The following SLC6A16 variants were observed in gnomAD, a reference collection of about 807,000 sequenced individuals.
SLC6A16 encodes the protein orphan sodium- and chloride-dependent neurotransmitter transporter NTT5.
Under a neutral mutation model 65.4 loss-of-function variants are expected in SLC6A16, and 54 were observed. The observed-to-expected ratio is 0.83, with a 90% CI of 0.66 to 1.04. The LOEUF (loss-of-function observed/expected upper bound fraction) is 1.04, where lower values mean the gene tolerates loss of function less well. SLC6A16 is among the 50% of genes least tolerant of loss of function. SLC6A16 has a pLI of 0.00. For missense variants in SLC6A16, 816 were observed against 914.0 expected (o/e 0.89, Z 1.38); for synonymous variants, 330 against 346.5 (o/e 0.95, Z 0.53).
intron 7 of SLC6A16, among the ~76,000 whole-genome samples, chr19:49,296,737 C>A (rs1302170953): frequency 1.3e-5 from 2 of 152,128 alleles, no homozygotes; most frequent in Non-Finnish European, 2.9e-5. Context: ...GCCTGTAATC[C>A]CAGCACTTTT....
At position 49,293,360 on chromosome 19, in the gene SLC6A16, G is replaced by A. The variant is rs371493044; in HGVS notation, c.1641C>T (p.Phe547=). 1.3e-5 allele frequency: 21 copies of A among 1,613,958 alleles called. No individual in the cohort carries two copies. Among genetic ancestry groups the A allele is most frequent in the African/African-American group, 5.3e-5 (4 of 74,888 alleles). ...GTCGAGTGAAGAAGAGGCCGCACAC[G>A]AACATGAGCAAAAAGACTCCCACTG... ...LLIVGVFLLM[F]VCGLFFTRPS... Residue 547 remains phenylalanine, a synonymous_variant, in exon 10 of 12, where the codon TTC becomes TTT. Coordinates refer to ENST00000335875, the MANE Select transcript of SLC6A16 (RefSeq NM_014037.3).
chr19:49,290,434 C>G (rs764948907), intron 11 of SLC6A16, 42 bp from the exon 12 acceptor site: 1 of 1,590,078 alleles, frequency 6.3e-7, no homozygotes, highest in Non-Finnish European at 8.6e-7. Flanking sequence ...TCAAAATCCC[C>G]AAGAGAAAAG....
At chr19:49,308,775 G>T in intron 7 of SLC6A16, 101 bp downstream of exon 7, 1 of 1,464,850 alleles carries the variant, frequency 6.8e-7, no homozygotes, top group South Asian at 1.3e-5. Flanking sequence ...ACCCAAGGTT[G>T]AAATGTGTGA....
At chr19:49,309,159 A>G (rs983709788) in intron 6 of SLC6A16, 42 bp from the exon 7 acceptor site, 1 of 1,608,368 alleles carries the variant, frequency 6.2e-7, no homozygotes, top group Non-Finnish European at 8.5e-7. Flanking sequence ...GTAAAAGAAG[A>G]AGCAGAGGAC....
At chr19:49,293,184 A>G (rs1970110515) in intron 10 of SLC6A16, 39 bp downstream of exon 10, 1 of 1,607,554 alleles carries the variant, frequency 6.2e-7, no homozygotes, top group African/African-American at 1.3e-5. Context: ...CCTTCCCTAT[A>G]GTCCCATGCT....
Position 49,308,872 on chromosome 19 carries a change from T to C in SLC6A16, c.1229+4A>G. The C allele has an allele frequency of 6.2e-7, 1 of 1,614,070 alleles. No homozygotes were observed. The highest frequency in any genetic ancestry group is 8.5e-7 in the Non-Finnish European group (1 of 1,179,978). Reference sequence around the variant, plus strand: ...GAGACCCTTAACAAAGGGGCCGGCCTTACCTCTCACAGCAGCGATGTGTGA... The same window carrying C: ...GAGACCCTTAACAAAGGGGCCGGCCCTACCTCTCACAGCAGCGATGTGTGA... On this transcript the variant is annotated splice_donor_region_variant and intron_variant, in intron 7 of 11. Transcript: ENST00000335875.
chr19:49,293,751 C>A (rs906654450), intron 9 of SLC6A16, 76 bp downstream of exon 9: 4 of 1,333,474 alleles, frequency 3.0e-6, no homozygotes, highest in African/African-American at 2.9e-5. Context: ...GCTACAGGGA[C>A]CCTGTCCCAA....
chr19:49,339,851 C>T, the SLC6A16 span: 2 of 1,334,744 alleles, frequency 1.5e-6, no homozygotes, highest in African/African-American at 3.0e-5. The surrounding 1 kb of genome is among the most constrained non-coding windows in gnomAD (Gnocchi z 4.5). Flanking sequence ...GACAAGGCAC[C>T]GCAGGGCAAG....
chr19:49,320,042 A>G (rs958186835), intron 1 of SLC6A16, among the ~76,000 whole-genome samples: 1 of 152,202 alleles, frequency 6.6e-6, no homozygotes, highest in Non-Finnish European at 1.5e-5. Flanking sequence ...GAAAACACAC[A>G]TACTAAAATT....
At chr19:49,331,346 A>C in the SLC6A16 span, among the ~76,000 whole-genome samples, 1 of 152,056 alleles carries the variant, frequency 6.6e-6, no homozygotes, top group Non-Finnish European at 1.5e-5. Context: ...AAGCCCAGCT[A>C]ATTTTTTTGT....
rs746359821 is a variant in SLC6A16 at position 49,310,081 on chromosome 19, G to A, written c.659C>T (p.Pro220Leu). Residue 220 changes from proline (P) to leucine (L), a missense_variant, in exon 4 of 12, where the codon CCA becomes CTA. By Grantham distance (98) the Pro-to-Leu change is moderately conservative. Transcript: ENST00000335875. ...YMSQSFQFPV[P>L]WEKCPLTMNS... ...CATCGTTAAGGGACATTTCTCCCAT[G>A]GAACGGGAAACTGGAAGGACTGGCT... The A allele has an allele frequency of 3.7e-6, 6 of 1,613,942 alleles. No homozygotes were observed. The highest frequency in any genetic ancestry group is 5.1e-6 in the Non-Finnish European group (6 of 1,180,028).
intron 7 of SLC6A16, among the ~76,000 whole-genome samples, chr19:49,302,938 G>GA (rs1376569110): frequency 1.3e-5 from 2 of 151,952 alleles, no homozygotes; most frequent in Non-Finnish European, 2.9e-5. Context: ...AGTCAGAGGA[G>GA]AAAAAGAAAA....
Position 49,293,293 on chromosome 19 carries a change from T to C in SLC6A16, c.1708A>G (p.Ile570Val), listed in dbSNP as rs1451369048. 1.9e-6 allele frequency: 3 copies of C among 1,613,998 alleles called. No homozygotes were observed. In the Admixed American group the frequency reaches 5.0e-5, roughly 27 times the overall value. Residue 570 changes from isoleucine (I) to valine (V), a missense_variant, in exon 10 of 12, where the codon ATA (isoleucine) becomes GTA (valine). Transcript: ENST00000335875. The stretch of plus-strand genomic sequence containing the variant: ...ACAACGACGATGATGGGGAAGACTA[T>C]CCAGTAGTCACTCAGCAGTCTGATG... ...YFIRLLSDYW[I>V]VFPIIVVVVF...
At position 49,305,589 on chromosome 19, in the gene SLC6A16, T is replaced by C. The variant is rs2146111038; in HGVS notation, c.1229+3287A>G. ...CCTGGGTGACAAAAGCAAAGATCTG[T>C]CTCAAAAAAAAAAAAAAAAAAGAAG... On this transcript the variant is annotated intron_variant, in intron 7 of 11. Coordinates refer to ENST00000335875, the MANE Select transcript of SLC6A16 (RefSeq NM_014037.3). Among the ~76,000 whole-genome samples, 3 of 105,288 alleles carry C rather than the reference T, an allele frequency of 2.8e-5. No homozygotes were observed. In the East Asian group the frequency reaches 8.3e-4, roughly 29 times the overall value. The allele number at this position is 105,288 out of a possible 152,430, so 69.1% of individuals were successfully genotyped here.
At position 49,290,723 on chromosome 19, in the gene SLC6A16, G is replaced by A; in HGVS notation, c.1823C>T (p.Pro608Leu). The A allele has an allele frequency of 6.2e-7, 1 of 1,613,318 alleles. No homozygotes were observed. Among genetic ancestry groups the A allele is most frequent in the Non-Finnish European group, 8.5e-7 (1 of 1,179,692 alleles). Reference sequence around the variant, plus strand: ...ATGGGGCCACAGCCAACCAAAGATGGGAGAGATGGGGTGGCCCAACAGGAT... The same window carrying A: ...ATGGGGCCACAGCCAACCAAAGATGAGAGAGATGGGGTGGCCCAACAGGAT... ...LTILLGHPIS[P>L]IFGWLWPHLC... is the part of the protein sequence containing the mutation. Residue 608 changes from proline (P) to leucine (L), a missense_variant, in exon 11 of 12, where the codon CCC (proline) becomes CTC (leucine). Transcript: ENST00000335875.
the SLC6A16 span, among the ~76,000 whole-genome samples, chr19:49,337,467 A>T: frequency 7.4e-6 from 1 of 134,678 alleles, no homozygotes; most frequent in South Asian, 2.1e-4. Flanking sequence ...TCTATATTTA[A>T]AAAAAAAATC....
intron 7 of SLC6A16, among the ~76,000 whole-genome samples, chr19:49,308,065 CAG>C (rs1291682734): frequency 6.6e-6 from 1 of 151,118 alleles, no homozygotes; most frequent in African/African-American, 2.4e-5. Flanking sequence ...AAATAAGAAA[CAG>C]GGGTGATCAG....
At chr19:49,336,937 G>A in the SLC6A16 span, 1 of 1,614,194 alleles carries the variant, frequency 6.2e-7, no homozygotes, top group African/African-American at 1.3e-5. Flanking sequence ...TGCAGATCTG[G>A]TCCAAAGTCC....
the SLC6A16 span, chr19:49,339,321 ACCCCCCAGGG>A: frequency 6.2e-7 from 1 of 1,611,794 alleles, no homozygotes; most frequent in Non-Finnish European, 8.5e-7. This position sits in a 1 kb window ranked among gnomAD's most constrained non-coding sequence, Gnocchi z 4.5. Context: ...TTTTCCCTAC[ACCCCCCAGGG>A]CTGCGCGCAG....
Sources: allele counts gnomAD v4.1 joint callset (sites outside exome capture counted in the v4.1 genomes callset), GRCh38; gene constraint gnomAD v4.1.1; non-coding constraint Gnocchi (gnomAD v3.1); transcripts MANE v1.5; gene names NCBI Gene and HGNC (gene_info 2026-07-23, HGNC 2026-07-21).